The following BRD10 variants were observed in gnomAD, a reference collection of about 807,000 sequenced individuals.
The protein encoded by BRD10 is bromodomain containing 10, also known as uncharacterized bromodomain-containing protein 10.
the BRD10 span, among the ~76,000 whole-genome samples, chr9:5,901,343 T>G: frequency 6.6e-6 from 1 of 152,160 alleles, no homozygotes; most frequent in Admixed American, 6.5e-5. Flanking sequence ...AACTGTTGAT[T>G]TTTTGTACCT....
chr9:5,938,756 A>G, the BRD10 span, among the ~76,000 whole-genome samples: 1 of 152,216 alleles, frequency 6.6e-6, no homozygotes, highest in Non-Finnish European at 1.5e-5. Flanking sequence ...TTTCTCCCAC[A>G]GCTGAGATAG....
chr9:5,910,018 G>A, the BRD10 span: 8 of 152,216 alleles, frequency 5.3e-5, no homozygotes, highest in East Asian at 5.8e-4. Flanking sequence ...CTATAACAAC[G>A]AAGATAATGA....
the BRD10 span, chr9:5,920,973 C>A: frequency 6.2e-7 from 1 of 1,613,918 alleles, no homozygotes; most frequent in Non-Finnish European, 8.5e-7. Flanking sequence ...GGTTGTGCCC[C>A]AGCTGAAGCA....
the BRD10 span, among the ~76,000 whole-genome samples, chr9:5,953,638 A>G: frequency 6.6e-5 from 10 of 151,874 alleles, no homozygotes; most frequent in South Asian, 1.9e-3. Flanking sequence ...CCAAATTATG[A>G]TTTGTTCTTG....
At chr9:5,976,432 T>C in the BRD10 span, among the ~76,000 whole-genome samples, 1 of 152,214 alleles carries the variant, frequency 6.6e-6, no homozygotes, top group South Asian at 2.1e-4. Flanking sequence ...AAGTTTGTAA[T>C]AGGATACTGT....
At chr9:5,971,223 A>C in the BRD10 span, among the ~76,000 whole-genome samples, 8 of 152,294 alleles carry the variant, frequency 5.3e-5, no homozygotes, top group African/African-American at 1.9e-4. Flanking sequence ...CTACTCCAAA[A>C]CTACTTGGAT....
chr9:6,007,375 C>T, the BRD10 span: 1 of 1,612,922 alleles, frequency 6.2e-7, no homozygotes, highest in Non-Finnish European at 8.5e-7. Context: ...CTGCAGCAGA[C>T]ACATGCCCTG....
At chr9:5,954,930 A>C in the BRD10 span, among the ~76,000 whole-genome samples, 11 of 152,072 alleles carry the variant, frequency 7.2e-5, no homozygotes, top group African/African-American at 2.7e-4. Flanking sequence ...TCTACTAAAA[A>C]TACAAAAATT....
chr9:5,954,055 C>T, the BRD10 span: 10 of 1,567,690 alleles, frequency 6.4e-6, no homozygotes, highest in Non-Finnish European at 8.7e-6. Flanking sequence ...TGACAGTTTT[C>T]CTCTTCTTTG....
the BRD10 span, chr9:5,919,753 T>C: frequency 6.2e-7 from 1 of 1,613,572 alleles, no homozygotes; most frequent in Non-Finnish European, 8.5e-7. Context: ...ACGCAGGACT[T>C]CGACTGGCAG....
chr9:5,938,222 A>G, the BRD10 span, among the ~76,000 whole-genome samples: 1 of 152,160 alleles, frequency 6.6e-6, no homozygotes, highest in Admixed American at 6.5e-5. Context: ...AGGAGGATCA[A>G]TTGAGCCCAG....
chr9:5,917,287 T>A, the BRD10 span, among the ~76,000 whole-genome samples: 6 of 152,198 alleles, frequency 3.9e-5, no homozygotes, highest in African/African-American at 1.4e-4. Context: ...TAACACGTAA[T>A]AAGAACCTGT....
chr9:5,993,515 T>C, the BRD10 span, among the ~76,000 whole-genome samples: 2 of 152,078 alleles, frequency 1.3e-5, no homozygotes, highest in Non-Finnish European at 2.9e-5. Flanking sequence ...TAGGAAGGGA[T>C]AGTGAAGCAC....
the BRD10 span, chr9:5,921,209 A>G: frequency 2.5e-6 from 4 of 1,613,834 alleles, no homozygotes; most frequent in Non-Finnish European, 3.4e-6. Context: ...TAATATGTTA[A>G]TTGATGGTAT....
chr9:5,891,790 T>C, the BRD10 span, among the ~76,000 whole-genome samples: 2 of 152,242 alleles, frequency 1.3e-5, no homozygotes, highest in Non-Finnish European at 2.9e-5. Context: ...GGGAAACACA[T>C]TGTTAGATAA....
the BRD10 span, among the ~76,000 whole-genome samples, chr9:5,954,733 T>A: frequency 6.6e-6 from 1 of 152,120 alleles, no homozygotes; most frequent in Non-Finnish European, 1.5e-5. Context: ...CAATTCACAG[T>A]ATACACTGAA....
the BRD10 span, chr9:5,920,406 CGACTA>C: frequency 6.2e-6 from 10 of 1,613,786 alleles, no homozygotes; most frequent in Non-Finnish European, 8.5e-6. Context: ...AACTGACTCC[CGACTA>C]GACTAGTTAC....
chr9:6,008,359 G>C, the BRD10 span: 1 of 980,072 alleles, frequency 1.0e-6, no homozygotes, highest in Non-Finnish European at 1.2e-6. Context: ...CCCGCTGGGC[G>C]GTGAGGGGGG....
At chr9:5,913,233 A>C in the BRD10 span, among the ~76,000 whole-genome samples, 2 of 152,238 alleles carry the variant, frequency 1.3e-5, no homozygotes, top group South Asian at 4.1e-4. Context: ...AGTCCTCTGA[A>C]GTCACAAATG....
Sources: gnomAD v4.1 joint callset for allele counts (sites outside exome capture counted in the v4.1 genomes callset) on GRCh38, gnomAD v4.1.1 for gene constraint, MANE v1.5 for transcripts, NCBI Gene and HGNC (gene_info 2026-07-23, HGNC 2026-07-21) for gene names.